Variants in FHIT observed in about 807,000 individuals in gnomAD.
FHIT encodes fragile histidine triad diadenosine triphosphatase.
Under a neutral mutation model 17.9 loss-of-function variants are expected in FHIT, and 19 were observed. The observed-to-expected ratio is 1.06, with a 90% confidence interval of 0.74 to 1.56. The LOEUF (loss-of-function observed/expected upper bound fraction) is 1.56. Among genes scored for constraint, FHIT ranks in the 40% most tolerant of loss-of-function variants. The probability of loss-of-function intolerance (pLI) is 0.00; values close to 1 mark genes in which losing one functional copy is unlikely to be tolerated. For synonymous variants in FHIT, 81 were observed against 69.7 expected (o/e 1.16, Z -0.81); for missense variants, 248 against 189.2 (o/e 1.31, Z -1.82).
intron 4 of FHIT, among the ~76,000 whole-genome samples, chr3:60,626,496 C>T (rs1414892529): frequency 6.6e-6 from 1 of 152,054 alleles, no homozygotes; most frequent in East Asian, 1.9e-4. Context: ...TTCTCAGTTT[C>T]ATTTTCTGAT....
intron 8 of FHIT, among the ~76,000 whole-genome samples, chr3:59,777,572 C>T (rs1396967731): frequency 6.6e-6 from 1 of 152,216 alleles, no homozygotes; most frequent in Non-Finnish European, 1.5e-5. Context: ...TCCACCTCCA[C>T]TATATCATCT....
At chr3:60,388,397 C>T (rs1420771558) in intron 5 of FHIT, among the ~76,000 whole-genome samples, 9 of 152,018 alleles carry the variant, frequency 5.9e-5, no homozygotes, top group East Asian at 3.9e-4. Flanking sequence ...TCCAGGAGTA[C>T]GAGACCTGTC....
At chr3:60,848,928 T>C (rs1208736977) in intron 3 of FHIT, among the ~76,000 whole-genome samples, 1 of 152,132 alleles carries the variant, frequency 6.6e-6, no homozygotes, top group East Asian at 1.9e-4. Context: ...AAATTGAAAT[T>C]GAAAACTAGG....
Position 61,196,652 on chromosome 3 carries a change from TTAAGGGAAGACCAC to T in FHIT, c.-164+3951_-164+3964del, listed in dbSNP as rs2038860528. ...ATCTTCACCTGGGGTGAAGGCAGGG[TTAAGGGAAGACCAC>T]TAAGGGATGGTCTAGTGTGCTGGAC... is the stretch of plus-strand genomic sequence containing the variant. On this transcript the variant is annotated intron_variant, in intron 2 of 9. Coordinates refer to ENST00000492590, the MANE Select transcript of FHIT (RefSeq NM_002012.4). Among the ~76,000 whole-genome samples, 4 of 152,118 alleles carry T rather than the reference TTAAGGGAAGACCAC, an allele frequency of 2.6e-5. No individual in the cohort carries two copies. The South Asian group carries it at 8.3e-4, about 32-fold the overall frequency.
At chr3:60,120,009 A>C (rs1705173777) in intron 5 of FHIT, among the ~76,000 whole-genome samples, 1 of 152,174 alleles carries the variant, frequency 6.6e-6, no homozygotes, top group African/African-American at 2.4e-5. Flanking sequence ...TGCTTAAAAA[A>C]TCAGCCTAAT....
intron 8 of FHIT, among the ~76,000 whole-genome samples, chr3:59,837,252 C>T (rs867653842): frequency 6.6e-6 from 1 of 152,116 alleles, no homozygotes; most frequent in Non-Finnish European, 1.5e-5. Flanking sequence ...GTTCCAGGAC[C>T]TCCCTCAGAT....
At chr3:61,091,883 T>C (rs1328073292) in intron 2 of FHIT, among the ~76,000 whole-genome samples, 2 of 133,450 alleles carry the variant, frequency 1.5e-5, no homozygotes, top group East Asian at 4.3e-4. Flanking sequence ...GAGGCTACAG[T>C]GACCCATGAT....
intron 2 of FHIT, among the ~76,000 whole-genome samples, chr3:61,102,189 G>A (rs2035853418): frequency 6.6e-6 from 1 of 152,124 alleles, no homozygotes; most frequent in Non-Finnish European, 1.5e-5. Context: ...TTGGCTGCGG[G>A]TTTGTCATAA....
At chr3:60,378,233 C>T (rs1283219794) in intron 5 of FHIT, among the ~76,000 whole-genome samples, 2 of 151,924 alleles carry the variant, frequency 1.3e-5, no homozygotes, top group African/African-American at 4.8e-5. Context: ...TCACCATTCA[C>T]AGGATGATCT....
At chr3:60,888,591 AG>A (rs1165382794) in intron 3 of FHIT, among the ~76,000 whole-genome samples, 3 of 152,202 alleles carry the variant, frequency 2.0e-5, no homozygotes, top group Non-Finnish European at 2.9e-5. Flanking sequence ...GACTTATTCT[AG>A]GAAAAAAGAC....
chr3:60,187,144 T>C (rs1397567619), intron 5 of FHIT, among the ~76,000 whole-genome samples: 1 of 152,268 alleles, frequency 6.6e-6, no homozygotes, highest in Non-Finnish European at 1.5e-5. Flanking sequence ...TTTTCATTCT[T>C]CTTCTGTGTG....
intron 7 of FHIT, among the ~76,000 whole-genome samples, chr3:59,981,441 A>C (rs1261765326): frequency 1.3e-5 from 2 of 152,120 alleles, no homozygotes; most frequent in Non-Finnish European, 2.9e-5. Context: ...TCCAAATTCT[A>C]TTGCTGCCCT....
At chr3:60,627,631 C>A (rs1430034019) in intron 4 of FHIT, among the ~76,000 whole-genome samples, 1 of 152,132 alleles carries the variant, frequency 6.6e-6, no homozygotes, top group Non-Finnish European at 1.5e-5. Context: ...TCAAGCAATT[C>A]TTCTGCCTCA....
intron 8 of FHIT, among the ~76,000 whole-genome samples, chr3:59,792,960 TCCACCTTACC>T (rs1339101633): frequency 6.6e-6 from 1 of 151,972 alleles, no homozygotes; most frequent in Non-Finnish European, 1.5e-5. Context: ...CCTCACAGGT[TCCACCTTACC>T]CCACTGTACC....
intron 1 of FHIT, among the ~76,000 whole-genome samples, chr3:61,206,797 C>G (rs1490854883): frequency 6.6e-6 from 1 of 152,014 alleles, no homozygotes; most frequent in Non-Finnish European, 1.5e-5. Context: ...TTTCCTAATT[C>G]AATACCCTTT....
At chr3:59,932,550 G>A (rs74758007) in intron 7 of FHIT, among the ~76,000 whole-genome samples, 1 of 152,068 alleles carries the variant, frequency 6.6e-6, no homozygotes, top group Admixed American at 6.6e-5. Context: ...TTTAACGATG[G>A]GTTTATAAGA....
chr3:60,957,851 A>T (rs1553779463), intron 3 of FHIT, among the ~76,000 whole-genome samples: 1 of 152,224 alleles, frequency 6.6e-6, no homozygotes, highest in African/African-American at 2.4e-5. Flanking sequence ...TCTCTTCCAC[A>T]TAGGTGAGCT....
chr3:60,958,749 A>G (rs1427447417), intron 3 of FHIT, among the ~76,000 whole-genome samples: 1 of 152,228 alleles, frequency 6.6e-6, no homozygotes, highest in Non-Finnish European at 1.5e-5. Flanking sequence ...ACTTGACCCT[A>G]AGTTATGACA....
chr3:60,847,617 C>T (rs868917440), intron 3 of FHIT, among the ~76,000 whole-genome samples: 6 of 152,142 alleles, frequency 3.9e-5, no homozygotes, highest in African/African-American at 1.2e-4. Context: ...TTGGAAAATA[C>T]ACCCACAAGC....
Sources: gnomAD v4.1 joint callset for allele counts (sites outside exome capture counted in the v4.1 genomes callset) on GRCh38, gnomAD v4.1.1 for gene constraint, MANE v1.5 for transcripts, NCBI Gene and HGNC (gene_info 2026-07-23, HGNC 2026-07-21) for gene names.